CHST11: variants seen among roughly 807,000 people sequenced by gnomAD.
CHST11 encodes C4S-1.
In CHST11, 9 loss-of-function variants were observed where a neutral mutation model predicts 30.4. The ratio of observed to expected loss-of-function variants is 0.30; its 90% CI spans 0.18 to 0.52. The LOEUF (loss-of-function observed/expected upper bound fraction) is 0.52, where lower values mean the gene tolerates loss of function less well. Ranked by LOEUF, CHST11 falls within the 20% of genes least tolerant of loss-of-function variation. The probability of loss-of-function intolerance (pLI) is 0.97; values close to 1 mark genes in which losing one functional copy is unlikely to be tolerated. For missense variants in CHST11, 348 were observed against 460.6 expected (o/e 0.76, Z 2.24); for synonymous variants, 152 against 187.8 (o/e 0.81, Z 1.56).
chr12:104,637,903 G>A (rs1004615438), intron 2 of CHST11, among the ~76,000 whole-genome samples: 7 of 151,898 alleles, frequency 4.6e-5, no homozygotes, highest in East Asian at 1.9e-4. Flanking sequence ...ACAAGCTCCC[G>A]GCACTTCTCT....
intron 2 of CHST11, among the ~76,000 whole-genome samples, chr12:104,665,131 T>C (rs2039630792): frequency 6.6e-6 from 1 of 152,214 alleles, no homozygotes; most frequent in Non-Finnish European, 1.5e-5. Flanking sequence ...CTTGGATGAA[T>C]AGCAGATGTA....
intron 2 of CHST11, among the ~76,000 whole-genome samples, chr12:104,627,149 C>T (rs977266982): frequency 6.6e-6 from 1 of 152,174 alleles, no homozygotes; most frequent in South Asian, 2.1e-4. Context: ...TACATTTTCT[C>T]CATGTCTTTG....
chr12:104,756,965 C>T lies in CHST11; in HGVS notation c.221C>T (p.Thr74Ile), dbSNP rs1386894435. The T allele has an allele frequency of 6.2e-7, 1 of 1,613,172 alleles. No homozygotes were observed. The highest frequency in any genetic ancestry group is 8.5e-7 in the Non-Finnish European group (1 of 1,179,732). The change falls in exon 3 of 3, where the codon ACT becomes ATT. Residue 74 changes from threonine (T) to isoleucine (I), a missense_variant. Physicochemically the swap from Thr to Ile is moderately conservative, Grantham distance 89 (BLOSUM62 -1). Transcript: ENST00000303694. ...YNPIQLELSNTAVLHQMRRDQ... is the reference protein window; with the variant it reads ...YNPIQLELSNIAVLHQMRRDQ... The stretch of plus-strand genomic sequence containing the variant: ...CCTCTGCAGCTGGAGCTCTCAAACA[C>T]TGCTGTCCTGCACCAGATGCGGCGG...
intron 2 of CHST11, among the ~76,000 whole-genome samples, chr12:104,681,669 C>A (rs1265168833): frequency 6.6e-6 from 1 of 151,996 alleles, no homozygotes; most frequent in East Asian, 1.9e-4. Flanking sequence ...GGCAACATGG[C>A]AAAACCCCTT....
intron 1 of CHST11, among the ~76,000 whole-genome samples, chr12:104,459,028 A>C (rs907527757): frequency 2.0e-5 from 3 of 152,220 alleles, no homozygotes; most frequent in African/African-American, 7.2e-5. Flanking sequence ...CCACACTGCC[A>C]AGGATATGGT....
intron 1 of CHST11, among the ~76,000 whole-genome samples, chr12:104,569,497 A>T (rs1360569895): frequency 6.6e-6 from 1 of 152,158 alleles, no homozygotes; most frequent in African/African-American, 2.4e-5. Flanking sequence ...AGCTCAGAGG[A>T]TGTCTGAGTC....
intron 1 of CHST11, among the ~76,000 whole-genome samples, chr12:104,517,341 G>GACAAC (rs2038033701): frequency 6.6e-6 from 1 of 152,200 alleles, no homozygotes. Context: ...CTACACAGGG[G>GACAAC]AGCAGCAAGC....
intron 2 of CHST11, among the ~76,000 whole-genome samples, chr12:104,703,612 C>T (rs978022899): frequency 2.0e-5 from 3 of 152,162 alleles, no homozygotes; most frequent in Non-Finnish European, 4.4e-5. Flanking sequence ...CAGCGTAAGT[C>T]GGATCATGTT....
At chr12:104,741,685 C>T (rs558610650) in intron 2 of CHST11, among the ~76,000 whole-genome samples, 6 of 152,266 alleles carry the variant, frequency 3.9e-5, no homozygotes, top group African/African-American at 1.2e-4. Flanking sequence ...GATATTAAGT[C>T]GCCATGAGCC....
rs1264434532 is a variant in CHST11 at position 104,458,458 on chromosome 12, G to C, written c.118+929G>C. Among the ~76,000 whole-genome samples the C allele has an allele frequency of 1.3e-5, 2 of 152,214 alleles. No individual in the cohort carries two copies. Among genetic ancestry groups the C allele is most frequent in the Non-Finnish European group, 2.9e-5 (2 of 68,030 alleles). On this transcript the variant is annotated intron_variant, in intron 1 of 2. Transcript: ENST00000303694. The surrounding 1 kb of genome is among the most constrained non-coding windows in gnomAD (Gnocchi z 5.7). The stretch of plus-strand genomic sequence containing the variant: ...GAAATCTGGACTGGGGGAGGGACGA[G>C]GCTCGTCGCTTCCTAGGGGTGCGAG...
At chr12:104,611,463 CA>C (rs1242670238) in intron 2 of CHST11, among the ~76,000 whole-genome samples, 1 of 152,236 alleles carries the variant, frequency 6.6e-6, no homozygotes, top group African/African-American at 2.4e-5. Context: ...ACGATTCCAC[CA>C]GGCTTTGCGC....
intron 2 of CHST11, among the ~76,000 whole-genome samples, chr12:104,678,203 C>T (rs914390151): frequency 1.3e-5 from 2 of 152,126 alleles, no homozygotes; most frequent in African/African-American, 4.8e-5. Flanking sequence ...TCTTAGGGCC[C>T]AATGGAGAAA....
intron 2 of CHST11, among the ~76,000 whole-genome samples, chr12:104,668,349 T>C (rs557839873): frequency 1.4e-4 from 22 of 152,230 alleles, no homozygotes; most frequent in African/African-American, 4.3e-4. Flanking sequence ...CATTATCCAG[T>C]TTCCGTATGT....
At chr12:104,595,481 T>A (rs539552066) in intron 1 of CHST11, among the ~76,000 whole-genome samples, 1 of 152,292 alleles carries the variant, frequency 6.6e-6, no homozygotes, top group Non-Finnish European at 1.5e-5. Context: ...TAACCCATGG[T>A]TCTACAGGGA....
At chr12:104,704,494 C>T (rs2040016332) in intron 2 of CHST11, among the ~76,000 whole-genome samples, 1 of 152,176 alleles carries the variant, frequency 6.6e-6, no homozygotes, top group South Asian at 2.1e-4. Flanking sequence ...GGAACTGCTG[C>T]TGGTTAGAGG....
intron 2 of CHST11, among the ~76,000 whole-genome samples, chr12:104,633,229 C>G (rs959452500): frequency 5.3e-5 from 8 of 152,172 alleles, no homozygotes; most frequent in Admixed American, 3.9e-4. Flanking sequence ...CATAATTCTT[C>G]CTTGACAAAT....
intron 1 of CHST11, among the ~76,000 whole-genome samples, chr12:104,530,356 A>G (rs972502216): frequency 2.0e-5 from 3 of 152,102 alleles, no homozygotes; most frequent in African/African-American, 7.2e-5. Flanking sequence ...TGATCCCCTT[A>G]TTCTCCATTT....
At chr12:104,604,204 T>G (rs2038982089) in intron 2 of CHST11, among the ~76,000 whole-genome samples, 4 of 152,096 alleles carry the variant, frequency 2.6e-5, no homozygotes, top group African/African-American at 4.8e-5. Context: ...GTTCTGAGCA[T>G]TGTCTGGATG....
intron 1 of CHST11, among the ~76,000 whole-genome samples, chr12:104,483,689 T>C (rs2037651048): frequency 1.3e-5 from 2 of 152,172 alleles, no homozygotes; most frequent in African/African-American, 4.8e-5. Context: ...CCTGAGTTTG[T>C]TTTATGTCTC....
Sources: gnomAD v4.1 joint callset for allele counts (sites outside exome capture counted in the v4.1 genomes callset) on GRCh38, gnomAD v4.1.1 for gene constraint, Gnocchi (gnomAD v3.1) non-coding constraint, MANE v1.5 for transcripts, NCBI Gene and HGNC (gene_info 2026-07-23, HGNC 2026-07-21) for gene names.